Variants in GLCCI1 observed in about 807,000 individuals in gnomAD.
The protein encoded by GLCCI1 is glucocorticoid-induced transcript 1 protein.
GLCCI1 carries 24 observed loss-of-function variants against 52.2 expected under a neutral mutation model. That is an observed-to-expected ratio of 0.46 (90% confidence interval 0.33 to 0.65). The LOEUF is 0.65. GLCCI1 is among the 30% of genes least tolerant of loss of function. The pLI is 0.02. For synonymous variants in GLCCI1, 310 were observed against 276.5 expected, an observed-to-expected ratio of 1.12 and a Z score of -1.20; for missense variants, 704 against 701.5, an observed-to-expected ratio of 1.00 and a Z score of -0.04.
chr7:8,044,293 T>G (rs1250430425), intron 3 of GLCCI1, among the ~76,000 whole-genome samples: 1 of 152,104 alleles, frequency 6.6e-6, no homozygotes, highest in Non-Finnish European at 1.5e-5. Flanking sequence ...GTTCAGTGCT[T>G]TTTGAAATAA....
chr7:8,035,833 C>G (rs1206517602), intron 3 of GLCCI1, among the ~76,000 whole-genome samples: 2 of 152,184 alleles, frequency 1.3e-5, no homozygotes, highest in Non-Finnish European at 2.9e-5. Flanking sequence ...TTCCCTCCCC[C>G]ACATAGAGAG....
Position 8,053,336 on chromosome 7 carries a change from TTTG to T in GLCCI1, c.697-2094_697-2092del, listed in dbSNP as rs1382440939. 1.3e-4 allele frequency among the ~76,000 whole-genome samples: 12 copies of T among 93,300 alleles called. 1 individual carries two copies. Among genetic ancestry groups the T allele is most frequent in the African/African-American group, 3.4e-4 (11 of 32,602 alleles). 61.2% of individuals were successfully genotyped at this position (93,300 alleles called of 152,430 possible). A position where few individuals can be genotyped will look rare whatever the true frequency, so the allele number is the denominator to read the frequency against. On this transcript the variant is annotated intron_variant, in intron 3 of 7. Transcript: ENST00000223145. ...TTTCGTTTTTTTTTTTGTTTGTTTG[TTTG>T]TTTTGAGACAGTCTCGCACTGTCGC...
intron 2 of GLCCI1, among the ~76,000 whole-genome samples, chr7:8,007,996 AT>A (rs1781190799): frequency 6.6e-6 from 1 of 152,198 alleles, no homozygotes; most frequent in Admixed American, 6.5e-5. Context: ...TTATATATTA[AT>A]GGTGTACAGC....
Position 8,088,793 on chromosome 7 carries a change from A to G in GLCCI1, c.*2255A>G, listed in dbSNP as rs142500933. The G allele has an allele frequency of 3.1e-4, 48 of 152,782 alleles. No homozygotes were observed. The highest frequency in any genetic ancestry group is 3.4e-3 in the Middle Eastern group (1 of 294). 9.5% of individuals were successfully genotyped at this position (152,782 alleles called of 1,614,324 possible). On this transcript the variant is annotated 3_prime_UTR_variant, in exon 8 of 8. Coordinates refer to ENST00000223145, the MANE Select transcript of GLCCI1 (RefSeq NM_138426.4). ...ATTGTGTTGTACATTTGTTCTTAGC[A>G]TATATTAAAGTTTTGAACCAAATGT...
At chr7:8,005,150 CCTGGACAGTTAGAGAT>C (rs1781122538) in intron 2 of GLCCI1, among the ~76,000 whole-genome samples, 1 of 151,976 alleles carries the variant, frequency 6.6e-6, no homozygotes, top group Non-Finnish European at 1.5e-5. Context: ...GAGGTGTGGG[CCTGGACAGTTAGAGAT>C]CTGGACACAG....
intron 2 of GLCCI1, among the ~76,000 whole-genome samples, chr7:8,005,094 A>G (rs1781121171): frequency 6.6e-6 from 1 of 152,172 alleles, no homozygotes; most frequent in African/African-American, 2.4e-5. Flanking sequence ...TAAGTTTAAT[A>G]TGGCAGGCAG....
At chr7:8,077,517 C>G (rs1325434739) in intron 6 of GLCCI1, among the ~76,000 whole-genome samples, 1 of 152,208 alleles carries the variant, frequency 6.6e-6, no homozygotes. Context: ...GGTTGAAGCC[C>G]TGCTCTGCCA....
Position 8,086,184 on chromosome 7 carries a change from T to C in GLCCI1, c.1299-9T>C. 2.5e-6 allele frequency: 4 copies of C among 1,581,302 alleles called. No homozygotes were observed. The highest frequency in any genetic ancestry group is 3.4e-6 in the Non-Finnish European group (4 of 1,168,186). The stretch of plus-strand genomic sequence containing the variant: ...TGATTATAAATCTAATTTTGTTTTA[T>C]GGTTTTAGGTCTCGTCAGCCTATCT... On this transcript the variant is annotated splice_polypyrimidine_tract_variant and intron_variant, in intron 7 of 7. Transcript: ENST00000223145. This position sits in a 1 kb window ranked among gnomAD's most constrained non-coding sequence, Gnocchi z 4.4.
chr7:7,971,348 T>A (rs752325548), intron 1 of GLCCI1, among the ~76,000 whole-genome samples: 1 of 152,246 alleles, frequency 6.6e-6, no homozygotes, highest in Non-Finnish European at 1.5e-5. Flanking sequence ...AACAGATTAA[T>A]GCCATATGCA....
intron 3 of GLCCI1, among the ~76,000 whole-genome samples, chr7:8,028,985 G>A (rs747875063): frequency 2.0e-5 from 3 of 152,068 alleles, no homozygotes; most frequent in African/African-American, 7.2e-5. Flanking sequence ...GAAAAGCCTG[G>A]GACCCAATGG....
At chr7:8,002,816 T>TA (rs1781074435) in intron 1 of GLCCI1, among the ~76,000 whole-genome samples, 1 of 152,238 alleles carries the variant, frequency 6.6e-6, no homozygotes, top group South Asian at 2.1e-4. Context: ...CCTCTATAGT[T>TA]ATCTGTGTAG....
chr7:8,050,560 T>A (rs1197227957), intron 3 of GLCCI1, among the ~76,000 whole-genome samples: 2 of 152,230 alleles, frequency 1.3e-5, no homozygotes, highest in African/African-American at 4.8e-5. Context: ...GATTAACAGC[T>A]TGAGATTCAT....
intron 1 of GLCCI1, chr7:7,982,233 A>T (rs1297185675): frequency 4.1e-6 from 1 of 245,142 alleles, no homozygotes; most frequent in Non-Finnish European, 8.3e-6. Flanking sequence ...GTACAGATGA[A>T]AGATGAAGAG....
At chr7:8,047,477 A>T (rs887393726) in intron 3 of GLCCI1, among the ~76,000 whole-genome samples, 9 of 152,236 alleles carry the variant, frequency 5.9e-5, no homozygotes, top group African/African-American at 2.2e-4. Context: ...ACAACCGTTA[A>T]TTTGCACCCA....
At chr7:8,034,098 C>G (rs1781814317) in intron 3 of GLCCI1, among the ~76,000 whole-genome samples, 1 of 151,796 alleles carries the variant, frequency 6.6e-6, no homozygotes, top group Non-Finnish European at 1.5e-5. Context: ...AGAAATAAAC[C>G]CTTATATTTG....
intron 1 of GLCCI1, among the ~76,000 whole-genome samples, chr7:7,989,202 C>T (rs965492061): frequency 3.3e-5 from 5 of 152,066 alleles, no homozygotes; most frequent in Non-Finnish European, 7.4e-5. Context: ...CTAGCATTAC[C>T]ACCCTTACTG....
At chr7:7,986,609 C>G (rs941700945) in intron 1 of GLCCI1, among the ~76,000 whole-genome samples, 2 of 152,078 alleles carry the variant, frequency 1.3e-5, no homozygotes, top group African/African-American at 4.8e-5. Flanking sequence ...AAATTTTACT[C>G]TATATAATTG....
chr7:8,076,120 T>G (rs1782872422), intron 6 of GLCCI1, among the ~76,000 whole-genome samples: 1 of 152,224 alleles, frequency 6.6e-6, no homozygotes, highest in Admixed American at 6.5e-5. Context: ...GCTCTATTTC[T>G]TGACCTTTTT....
chr7:8,056,975 GA>G (rs1009330884), intron 4 of GLCCI1, among the ~76,000 whole-genome samples: 1 of 152,072 alleles, frequency 6.6e-6, no homozygotes, highest in Non-Finnish European at 1.5e-5. Context: ...TATATATTTA[GA>G]AAATCAAAGT....
Sources: gnomAD v4.1 joint callset for allele counts (sites outside exome capture counted in the v4.1 genomes callset) on GRCh38, gnomAD v4.1.1 for gene constraint, Gnocchi (gnomAD v3.1) non-coding constraint, MANE v1.5 for transcripts, NCBI Gene and HGNC (gene_info 2026-07-23, HGNC 2026-07-21) for gene names.